KRIT1: variants seen among roughly 807,000 people sequenced by gnomAD.
The protein encoded by KRIT1 is krev interaction trapped protein 1.
Under a neutral mutation model 95.8 loss-of-function variants are expected in KRIT1, and 45 were observed. The ratio of observed to expected loss-of-function variants is 0.47; its 90% CI spans 0.37 to 0.60. The LOEUF (loss-of-function observed/expected upper bound fraction) is 0.60. Among genes scored for constraint, KRIT1 ranks in the 20% least tolerant of loss-of-function variants. The probability of loss-of-function intolerance (pLI) is 0.00; values close to 1 mark genes in which losing one functional copy is unlikely to be tolerated. For synonymous variants in KRIT1, 282 were observed against 278.8 expected, an observed-to-expected ratio of 1.01 and a Z score of -0.11; for missense variants, 788 against 877.5, an observed-to-expected ratio of 0.90 and a Z score of 1.29.
intron 17 of KRIT1, among the ~76,000 whole-genome samples, chr7:92,202,547 CA>C (rs1790430237): frequency 6.6e-6 from 1 of 152,124 alleles, no homozygotes; most frequent in Admixed American, 6.6e-5. Context: ...TAGAAGCATT[CA>C]GTTTCTATAA....
Position 92,222,877 on chromosome 7 carries a change from A to T in KRIT1, c.1356T>A (p.Arg452=), listed in dbSNP as rs764094230. 4.8e-5 allele frequency: 78 copies of T among 1,608,950 alleles called. No homozygotes were observed. Among genetic ancestry groups the T allele is most frequent in the Non-Finnish European group, 6.5e-5 (76 of 1,175,480 alleles). ...TTVQQIMEGM[R]LSQETQQYFT... ...AATATTGCTGAGTTTCTTGAGAGAGACGCATTCCTTCCATTATCTGCTGCA... is the reference window on the plus strand; with the variant it reads ...AATATTGCTGAGTTTCTTGAGAGAGTCGCATTCCTTCCATTATCTGCTGCA... Residue 452 remains arginine (R), a synonymous_variant, in exon 13 of 19, where the codon CGT becomes CGA. Coordinates refer to ENST00000394505, the MANE Select transcript of KRIT1 (RefSeq NM_194454.3).
intron 14 of KRIT1, among the ~76,000 whole-genome samples, chr7:92,216,674 T>C (rs373444536): frequency 4.6e-5 from 7 of 152,276 alleles, no homozygotes; most frequent in African/African-American, 1.4e-4. Context: ...GTAAATACAC[T>C]AAACCAAATT....
intron 17 of KRIT1, among the ~76,000 whole-genome samples, chr7:92,203,611 A>ATATGATATTATACTT (rs1316695022): frequency 6.6e-6 from 1 of 152,230 alleles, no homozygotes; most frequent in African/African-American, 2.4e-5. Flanking sequence ...AGTATTATAC[A>ATATGATATTATACTT]TAATATGAAA....
chr7:92,222,821 C>A lies in KRIT1; in HGVS notation c.1411+1G>T. On this transcript the variant is annotated splice_donor_variant, in intron 13 of 18. Transcript: ENST00000394505. LOFTEE classifies it high-confidence loss of function. The stretch of plus-strand genomic sequence containing the variant: ...CTATAACATAATAAAAACTTTCTTA[C>A]TGAGGTTTTCTGAACAAATCCATAT... 1.3e-6 allele frequency: 2 copies of A among 1,591,000 alleles called. No homozygotes were observed. The highest frequency in any genetic ancestry group is 1.7e-6 in the Non-Finnish European group (2 of 1,159,432).
chr7:92,223,273 C>CAA (rs568078150), intron 12 of KRIT1, among the ~76,000 whole-genome samples: 73 of 42,088 alleles, frequency 1.7e-3, no homozygotes, highest in African/African-American at 2.4e-3. Context: ...ACTAAAAATA[C>CAA]AAAAAAAAAA....
intron 10 of KRIT1, among the ~76,000 whole-genome samples, chr7:92,233,171 C>T (rs1304020861): frequency 1.4e-5 from 2 of 143,988 alleles, no homozygotes; most frequent in Admixed American, 6.8e-5. Context: ...TACACACACA[C>T]ACACACACAC....
chr7:92,214,097 C>T (rs1793444429), intron 15 of KRIT1, 118 bp from the exon 16 acceptor site: 2 of 699,326 alleles, frequency 2.9e-6, no homozygotes, highest in Non-Finnish European at 2.6e-6. Context: ...AAATATTTTG[C>T]TGTAAAATAT....
At chr7:92,219,246 C>T (rs1794640652) in intron 14 of KRIT1, among the ~76,000 whole-genome samples, 2 of 152,206 alleles carry the variant, frequency 1.3e-5, no homozygotes, top group Admixed American at 1.3e-4. Context: ...AAGTGATCCA[C>T]CCGCCTCAGC....
intron 11 of KRIT1, 82 bp from the exon 12 acceptor site, chr7:92,225,909 G>T: frequency 1.3e-6 from 1 of 772,868 alleles, no homozygotes. Flanking sequence ...ATTAATCACA[G>T]TTTCATAAAA....
intron 12 of KRIT1, among the ~76,000 whole-genome samples, chr7:92,223,554 T>G (rs978537062): frequency 6.6e-6 from 1 of 152,056 alleles, no homozygotes; most frequent in African/African-American, 2.4e-5. Context: ...CTTAAAAACA[T>G]ACTCAATGTC....
chr7:92,219,541 T>C (rs1794698979), intron 14 of KRIT1, among the ~76,000 whole-genome samples: 1 of 152,254 alleles, frequency 6.6e-6, no homozygotes, highest in African/African-American at 2.4e-5. Flanking sequence ...TTTTGATTGC[T>C]TAGCTTTGTG....
chr7:92,209,225 A>G (rs377115020), intron 17 of KRIT1, among the ~76,000 whole-genome samples: 71 of 152,312 alleles, frequency 4.7e-4, no homozygotes, highest in African/African-American at 1.4e-3. Flanking sequence ...ATATATGACA[A>G]ACCCACAGCT....
intron 12 of KRIT1, among the ~76,000 whole-genome samples, chr7:92,224,326 C>T (rs916871161): frequency 3.3e-5 from 5 of 152,076 alleles, no homozygotes; most frequent in East Asian, 1.9e-4. Flanking sequence ...CAGCCAGGAG[C>T]GGTGGCACGT....
At chr7:92,216,105 T>C (rs1246831470) in intron 14 of KRIT1, among the ~76,000 whole-genome samples, 1 of 151,526 alleles carries the variant, frequency 6.6e-6, no homozygotes, top group African/African-American at 2.4e-5. Context: ...GGCAGGCGCC[T>C]GTAGTCCCAG....
rs886038758 is a variant in KRIT1 at position 92,222,797 on chromosome 7, TATAAC to T, written c.1411+20_1411+24del. 11 of 1,440,568 alleles carry T rather than the reference TATAAC, an allele frequency of 7.6e-6. No homozygotes were observed. In the East Asian group the frequency reaches 1.1e-4, roughly 15 times the overall value. 89.2% of individuals were successfully genotyped at this position (1,440,568 alleles called of 1,614,324 possible). A position where few individuals can be genotyped will look rare whatever the true frequency, so the allele number is the denominator to read the frequency against. ...CCCAAAAAGGAATAATGAGGTTTAC[TATAAC>T]ATAATAAAAACTTTCTTACTGAGGT... On this transcript the variant is annotated intron_variant, in intron 13 of 18. Coordinates refer to ENST00000394505, the MANE Select transcript of KRIT1 (RefSeq NM_194454.3).
At chr7:92,225,222 G>C (rs1183344806) in intron 12 of KRIT1, among the ~76,000 whole-genome samples, 3 of 152,170 alleles carry the variant, frequency 2.0e-5, no homozygotes, top group Non-Finnish European at 4.4e-5. Context: ...TGTTTTGAAA[G>C]TTTTATTTAC....
chr7:92,237,275 T>C (rs888248783), intron 6 of KRIT1, among the ~76,000 whole-genome samples: 3 of 152,196 alleles, frequency 2.0e-5, no homozygotes, highest in Admixed American at 6.5e-5. Context: ...AGAACTATTA[T>C]TGATTCTTGT....
At chr7:92,240,762 C>T (rs1018594524) in intron 5 of KRIT1, 1 of 548,156 alleles carries the variant, frequency 1.8e-6, no homozygotes, top group Non-Finnish European at 3.2e-6. Flanking sequence ...GGGAACTACA[C>T]TTCACATCAA....
At chr7:92,213,634 T>C (rs371152272) in intron 16 of KRIT1, among the ~76,000 whole-genome samples, 36 of 152,204 alleles carry the variant, frequency 2.4e-4, no homozygotes, top group African/African-American at 8.7e-4. Flanking sequence ...TTCACGGGCA[T>C]GGATAGTATA....
Sources: gnomAD v4.1 joint callset for allele counts (sites outside exome capture counted in the v4.1 genomes callset) on GRCh38, gnomAD v4.1.1 for gene constraint, MANE v1.5 for transcripts, NCBI Gene and HGNC (gene_info 2026-07-23, HGNC 2026-07-21) for gene names.